Variants in CALN1 observed in about 807,000 individuals in gnomAD.
The protein encoded by CALN1 is calcium-binding protein 8.
CALN1 carries 17 observed loss-of-function variants against 30.6 expected under a neutral mutation model. The observed-to-expected ratio is 0.56, with a 90% CI of 0.38 to 0.83. The LOEUF is 0.83. Among genes scored for constraint, CALN1 ranks in the 40% least tolerant of loss-of-function variants. The pLI, the probability that CALN1 is intolerant of heterozygous loss-of-function variation, is 0.00. For synonymous variants in CALN1, 156 were observed against 131.4 expected (o/e 1.19, Z -1.28); for missense variants, 291 against 354.9 (o/e 0.82, Z 1.45).
chr7:71,853,309 T>G (rs867301292), intron 5 of CALN1, among the ~76,000 whole-genome samples: 2 of 152,124 alleles, frequency 1.3e-5, no homozygotes, highest in South Asian at 4.1e-4. Context: ...TTTATTTATA[T>G]AATTGGCAAT....
chr7:71,978,429 C>G lies in CALN1; in HGVS notation c.501+45228G>C, dbSNP rs373684562. Among the ~76,000 whole-genome samples the G allele has an allele frequency of 4.3e-3, 646 of 151,752 alleles. 8 individuals carry two copies. The highest frequency in any genetic ancestry group is 0.015 in the African/African-American group (623 of 41,370). ...TGGGACTACAGGCACCCCCCCACCACGCCCAGCTAATTTTTTTTGTATTTT... is the reference window on the plus strand; with the variant it reads ...TGGGACTACAGGCACCCCCCCACCAGGCCCAGCTAATTTTTTTTGTATTTT... On this transcript the variant is annotated intron_variant, in intron 5 of 6. Coordinates refer to ENST00000395275, the MANE Select transcript of CALN1 (RefSeq NM_031468.4).
rs376004846 is a variant in CALN1, at chr7:72,015,841, C to A, written c.501+7816G>T. 7.2e-5 allele frequency among the ~76,000 whole-genome samples: 11 copies of A among 152,246 alleles called. No homozygotes were observed. The East Asian group carries it at 7.7e-4, about 11-fold the overall frequency. On this transcript the variant is annotated intron_variant, in intron 5 of 6. Coordinates refer to ENST00000395275, the MANE Select transcript of CALN1 (RefSeq NM_031468.4). The stretch of plus-strand genomic sequence containing the variant: ...GTTAACATGAATGCTTCCCATATTC[C>A]ATTTTTCCACACTTGGTAAGATCCC...
intron 4 of CALN1, among the ~76,000 whole-genome samples, chr7:72,102,778 G>A (rs1806771296): frequency 1.3e-5 from 2 of 152,078 alleles, no homozygotes; most frequent in Admixed American, 1.3e-4. Flanking sequence ...TGATGGCTAA[G>A]AGGTACAAGG....
At chr7:71,915,189 A>G (rs1285089026) in intron 5 of CALN1, among the ~76,000 whole-genome samples, 2 of 152,148 alleles carry the variant, frequency 1.3e-5, no homozygotes, top group Non-Finnish European at 2.9e-5. Context: ...TCACCCCCTT[A>G]GGGGGCCAAG....
chr7:72,324,254 TAAAATCTCTGCTTC>T (rs995937628), intron 2 of CALN1, among the ~76,000 whole-genome samples: 1 of 152,082 alleles, frequency 6.6e-6, no homozygotes, highest in African/African-American at 2.4e-5. Context: ...ACCACTGAAT[TAAAATCTCTGCTTC>T]AGATTCTAGC....
At chr7:72,481,715 T>C in the CALN1 span, among the ~76,000 whole-genome samples, 1 of 152,222 alleles carries the variant, frequency 6.6e-6, no homozygotes, top group African/African-American at 2.4e-5. Flanking sequence ...CTTTAACCCG[T>C]GGGTTTTTTA....
chr7:72,162,052 TAGA>T (rs1788150474), intron 3 of CALN1, among the ~76,000 whole-genome samples: 1 of 151,528 alleles, frequency 6.6e-6, no homozygotes, highest in Non-Finnish European at 1.5e-5. Flanking sequence ...CAGTTCCTTC[TAGA>T]AGTTTTCAAC....
chr7:71,830,387 GC>G (rs1789197826), intron 5 of CALN1, among the ~76,000 whole-genome samples: 1 of 151,304 alleles, frequency 6.6e-6, no homozygotes, highest in Non-Finnish European at 1.5e-5. Context: ...TGGCTCTGTT[GC>G]CCAGGCTGGA....
At chr7:72,039,066 A>G (rs1801971759) in intron 4 of CALN1, among the ~76,000 whole-genome samples, 2 of 152,222 alleles carry the variant, frequency 1.3e-5, no homozygotes, top group African/African-American at 4.8e-5. Flanking sequence ...CTGTAACACT[A>G]TGAGCTAGAA....
At chr7:72,446,062 T>G (rs1448964851) in intron 1 of CALN1, among the ~76,000 whole-genome samples, 1 of 152,032 alleles carries the variant, frequency 6.6e-6, no homozygotes, top group Non-Finnish European at 1.5e-5. Flanking sequence ...CAAGAACCCA[T>G]GCCCCCGGGA....
chr7:72,211,453 G>A lies in CALN1; in HGVS notation c.244+67233C>T, dbSNP rs137947683. 1.9e-4 allele frequency among the ~76,000 whole-genome samples: 29 copies of A among 152,162 alleles called. No homozygotes were observed. The East Asian group carries it at 4.6e-3, about 24-fold the overall frequency. ...CCTTTTATTTCAGCAAGAAAGGAGA[G>A]ATCACATGCAAAGCATCTCTCCTGT... On this transcript the variant is annotated intron_variant, in intron 3 of 6. Coordinates refer to ENST00000395275, the MANE Select transcript of CALN1 (RefSeq NM_031468.4).
At chr7:72,406,917 T>C (rs535635684) in intron 1 of CALN1, among the ~76,000 whole-genome samples, 5 of 152,192 alleles carry the variant, frequency 3.3e-5, no homozygotes, top group African/African-American at 9.6e-5. Flanking sequence ...CGCCAGCCCC[T>C]TGTCAGCTTT....
At chr7:72,020,783 T>C (rs1800659022) in intron 5 of CALN1, among the ~76,000 whole-genome samples, 2 of 152,202 alleles carry the variant, frequency 1.3e-5, no homozygotes, top group Non-Finnish European at 2.9e-5. Context: ...GTCCATATAT[T>C]GTAAGAGATA....
chr7:71,897,972 CAA>C (rs1207497270), intron 5 of CALN1, among the ~76,000 whole-genome samples: 6 of 59,058 alleles, frequency 1.0e-4, no homozygotes, highest in African/African-American at 2.4e-4. Context: ...AAACAAAAAA[CAA>C]AAAAAAAAAA....
At chr7:72,138,876 C>T (rs879833926) in intron 3 of CALN1, among the ~76,000 whole-genome samples, 14 of 148,694 alleles carry the variant, frequency 9.4e-5, no homozygotes, top group Non-Finnish European at 1.5e-4. Context: ...CACATTTTAC[C>T]TCTGGAGTAA....
chr7:72,473,714 C>T, the CALN1 span, among the ~76,000 whole-genome samples: 2 of 151,930 alleles, frequency 1.3e-5, no homozygotes, highest in Admixed American at 6.6e-5. Context: ...AGGCGGATCA[C>T]CTAAGGTCAG....
intron 5 of CALN1, among the ~76,000 whole-genome samples, chr7:71,868,520 C>T (rs572950759): frequency 5.9e-5 from 9 of 151,984 alleles, no homozygotes; most frequent in East Asian, 5.8e-4. Context: ...TACAGATGTC[C>T]GCCACCACGC....
chr7:72,363,682 A>C (rs1466514390), intron 2 of CALN1, among the ~76,000 whole-genome samples: 1 of 151,996 alleles, frequency 6.6e-6, no homozygotes, highest in Non-Finnish European at 1.5e-5. Flanking sequence ...GTAGTAGCTA[A>C]ATGTCTGTAA....
chr7:71,905,127 C>G (rs186752165), intron 5 of CALN1, among the ~76,000 whole-genome samples: 1 of 151,970 alleles, frequency 6.6e-6, no homozygotes. Flanking sequence ...TCAGTAGAGA[C>G]GGGGTTTTAA....
Sources: gnomAD v4.1 joint callset for allele counts (sites outside exome capture counted in the v4.1 genomes callset) on GRCh38, gnomAD v4.1.1 for gene constraint, MANE v1.5 for transcripts, NCBI Gene and HGNC (gene_info 2026-07-23, HGNC 2026-07-21) for gene names.